Variants in GRIP1 observed in about 807,000 individuals in gnomAD.
The protein encoded by GRIP1 is glutamate receptor-interacting protein 1.
In GRIP1, 45 loss-of-function variants were observed where a neutral mutation model predicts 129.9. That is an observed-to-expected ratio of 0.35 (90% CI 0.27 to 0.44). GRIP1 has a LOEUF of 0.44. Ranked by LOEUF, GRIP1 falls within the 20% of genes least tolerant of loss-of-function variation. The pLI, the probability that GRIP1 is intolerant of heterozygous loss-of-function variation, is 1.00. For missense variants in GRIP1, 1,196 were observed against 1,396.8 expected, an observed-to-expected ratio of 0.86 and a Z score of 2.29; for synonymous variants, 530 against 520.8, an observed-to-expected ratio of 1.02 and a Z score of -0.24.
intron 7 of GRIP1, among the ~76,000 whole-genome samples, chr12:66,470,079 G>GCCCAA (rs1183209042): frequency 6.6e-6 from 1 of 151,906 alleles, no homozygotes; most frequent in Non-Finnish European, 1.5e-5. Flanking sequence ...CACCACCTTA[G>GCCCAA]CCCAACTTAC....
intron 1 of GRIP1, among the ~76,000 whole-genome samples, chr12:66,677,489 G>T (rs1308228926): frequency 6.6e-6 from 1 of 152,100 alleles, no homozygotes; most frequent in Non-Finnish European, 1.5e-5. Flanking sequence ...AGCCAAAACC[G>T]TAACAGAAAG....
At chr12:66,546,592 T>G (rs78182310) in intron 2 of GRIP1, among the ~76,000 whole-genome samples, 2,922 of 152,226 alleles carry the variant, frequency 0.019, 48 homozygotes, top group Non-Finnish European at 0.029. Context: ...AAATATGACA[T>G]ACTGTTTTTT....
chr12:66,593,895 C>T (rs1192697955), intron 2 of GRIP1, among the ~76,000 whole-genome samples: 3 of 151,856 alleles, frequency 2.0e-5, no homozygotes, highest in Admixed American at 6.6e-5. Context: ...GGTGAAACCC[C>T]GTCTCTACTA....
At chr12:66,815,986 C>A (rs2136968416) in intron 1 of GRIP1, among the ~76,000 whole-genome samples, 1 of 152,016 alleles carries the variant, frequency 6.6e-6, no homozygotes, top group South Asian at 2.1e-4. Context: ...AACATGATAA[C>A]AAGAAATATT....
chr12:66,389,010 T>C (rs1393543007), intron 19 of GRIP1, among the ~76,000 whole-genome samples: 1 of 152,098 alleles, frequency 6.6e-6, no homozygotes. Flanking sequence ...AAGACATCGA[T>C]TTCCAGCCCC....
chr12:66,847,666 A>G (rs2039842176), intron 1 of GRIP1, among the ~76,000 whole-genome samples: 1 of 152,166 alleles, frequency 6.6e-6, no homozygotes, highest in South Asian at 2.1e-4. Flanking sequence ...GAGTCTTATA[A>G]TAAAAATTTT....
At chr12:66,933,173 T>C (rs983671250) in intron 1 of GRIP1, among the ~76,000 whole-genome samples, 3 of 152,208 alleles carry the variant, frequency 2.0e-5, no homozygotes, top group Non-Finnish European at 4.4e-5. Flanking sequence ...ACTTCTTTCT[T>C]GAATACAGTC....
chr12:66,568,500 A>G (rs958215112), intron 2 of GRIP1: 1 of 180,334 alleles, frequency 5.5e-6, no homozygotes, highest in African/African-American at 2.4e-5. Context: ...CAGGTCTCTC[A>G]TCATGTGAAT....
intron 1 of GRIP1, among the ~76,000 whole-genome samples, chr12:66,731,198 A>C (rs1413063277): frequency 2.6e-5 from 4 of 152,198 alleles, no homozygotes; most frequent in Non-Finnish European, 5.9e-5. Context: ...TCACGGATTC[A>C]AACAAAACAG....
intron 1 of GRIP1, among the ~76,000 whole-genome samples, chr12:66,999,680 T>G (rs1446947991): frequency 6.6e-6 from 1 of 152,066 alleles, no homozygotes; most frequent in Non-Finnish European, 1.5e-5. Context: ...AAATAATTAA[T>G]GTACATATGA....
chr12:66,888,434 A>G (rs2040602383), intron 1 of GRIP1, among the ~76,000 whole-genome samples: 1 of 152,154 alleles, frequency 6.6e-6, no homozygotes, highest in African/African-American at 2.4e-5. Context: ...ATCTCAGCTC[A>G]CTGTAACCTC....
chr12:66,505,129 A>AG (rs2138816375), intron 7 of GRIP1, among the ~76,000 whole-genome samples: 1 of 152,332 alleles, frequency 6.6e-6, no homozygotes, highest in African/African-American at 2.4e-5. Context: ...GGACCTTAAA[A>AG]GGGGAGATTA....
intron 1 of GRIP1, among the ~76,000 whole-genome samples, chr12:66,969,581 T>C (rs2042043681): frequency 6.6e-6 from 1 of 152,072 alleles, no homozygotes; most frequent in Non-Finnish European, 1.5e-5. Context: ...CACGCCTGGC[T>C]AATTTTTTTT....
intron 1 of GRIP1, among the ~76,000 whole-genome samples, chr12:66,845,976 C>A (rs1474700173): frequency 6.6e-6 from 1 of 152,154 alleles, no homozygotes; most frequent in Non-Finnish European, 1.5e-5. Flanking sequence ...CTGGAATATT[C>A]ATCATTGTCC....
rs1157545311 is a variant in GRIP1 at position 66,492,032 on chromosome 12, G to A, written c.724+23587C>T. 2.0e-5 allele frequency among the ~76,000 whole-genome samples: 3 copies of A among 152,280 alleles called. 1 individual carries two copies. The highest frequency in any genetic ancestry group is 1.5e-5 in the Non-Finnish European group (1 of 68,016). ...AGTAGCAGCCAGTGTGTGCCAGCCT[G>A]AGAAAGAATTCCTACTACTCATATT... On this transcript the variant is annotated intron_variant, in intron 7 of 24. Coordinates refer to ENST00000359742, the MANE Select transcript of GRIP1 (RefSeq NM_001366722.1).
chr12:67,065,886 G>C (rs2043615905), intron 1 of GRIP1, among the ~76,000 whole-genome samples: 1 of 152,194 alleles, frequency 6.6e-6, no homozygotes, highest in Admixed American at 6.5e-5. Flanking sequence ...GATTGGAAGA[G>C]ATATCAAACA....
intron 24 of GRIP1, among the ~76,000 whole-genome samples, chr12:66,351,504 C>T (rs770277373): frequency 6.0e-5 from 9 of 150,704 alleles, no homozygotes; most frequent in Non-Finnish European, 8.8e-5. Context: ...TATCCCTGCT[C>T]TCAAAAAGTT....
At chr12:66,474,949 T>C (rs546970560) in intron 7 of GRIP1, among the ~76,000 whole-genome samples, 4 of 152,268 alleles carry the variant, frequency 2.6e-5, no homozygotes, top group Non-Finnish European at 4.4e-5. Context: ...GCTAACATCA[T>C]AATGACAGGA....
chr12:66,422,438 A>G (rs2057836942), intron 14 of GRIP1, among the ~76,000 whole-genome samples: 1 of 152,190 alleles, frequency 6.6e-6, no homozygotes. Flanking sequence ...AAAACTGCAA[A>G]TTGTTCTGGG....
Sources: gnomAD v4.1 joint callset for allele counts (sites outside exome capture counted in the v4.1 genomes callset) on GRCh38, gnomAD v4.1.1 for gene constraint, MANE v1.5 for transcripts, NCBI Gene and HGNC (gene_info 2026-07-23, HGNC 2026-07-21) for gene names.